The following PRDM8 variants were observed in gnomAD, a reference collection of about 807,000 sequenced individuals.
PRDM8 encodes the protein PR domain zinc finger protein 8.
A neutral mutation model predicts 46.5 loss-of-function variants in PRDM8; 13 were observed. That is an observed-to-expected ratio of 0.28 (90% CI 0.18 to 0.44). The LOEUF is 0.44. PRDM8 is among the 20% of genes least tolerant of loss of function. The pLI is 1.00. For missense variants in PRDM8, 998 were observed against 955.0 expected (o/e 1.04, Z -0.59); for synonymous variants, 473 against 438.4 (o/e 1.08, Z -0.98).
At chr4:80,193,759 A>T (rs1578248723), upstream of PRDM8, among the ~76,000 whole-genome samples, 1 of 152,122 alleles carries the variant, frequency 6.6e-6, no homozygotes, top group Admixed American at 6.5e-5. Context: ...TGTCTGCTCC[A>T]TTGGCATCCT....
upstream of PRDM8, among the ~76,000 whole-genome samples, chr4:80,194,954 A>G (rs1318333602): frequency 6.6e-6 from 1 of 152,210 alleles, no homozygotes; most frequent in African/African-American, 2.4e-5. Flanking sequence ...AGTACCTCAA[A>G]AGAAATATAG....
chr4:80,194,231 T>C (rs1737777211), upstream of PRDM8: 2 of 978,196 alleles, frequency 2.0e-6, no homozygotes, highest in African/African-American at 3.5e-5. Flanking sequence ...CTTGCTAAAG[T>C]GGAACAAGGT....
chr4:80,187,731 CTG>C (rs1737229871), intron 1 of PRDM8, among the ~76,000 whole-genome samples: 1 of 152,174 alleles, frequency 6.6e-6, no homozygotes, highest in African/African-American at 2.4e-5. Context: ...ATGCAACCTC[CTG>C]CTCCTCCTGT....
chr4:80,196,520 G>C, upstream of PRDM8: 5 of 985,438 alleles, frequency 5.1e-6, no homozygotes, highest in South Asian at 4.7e-5. Context: ...GCGCACAAAC[G>C]AGGCTCCCGA....
In PRDM8 at chr4:80,200,248, T is replaced by C. The variant is rs765586583; in HGVS notation, c.168T>C (p.Ala56=). The C allele has an allele frequency of 1.2e-6, 2 of 1,614,160 alleles. No homozygotes were observed. Among genetic ancestry groups the C allele is most frequent in the Middle Eastern group, 1.6e-4 (1 of 6,062 alleles). Reference sequence around the variant, plus strand: ...ATACTTCCCTATATGACAGCATAGCTTTCATAGCTCTCAAGTCTACTGACA... The same window carrying C: ...ATACTTCCCTATATGACAGCATAGCCTTCATAGCTCTCAAGTCTACTGACA... ...LSHTSLYDSI[A]FIALKSTDKR... The change falls in exon 2 of 4, where the codon GCT becomes GCC. Residue 56 remains alanine, a synonymous_variant. Coordinates refer to ENST00000415738, the MANE Select transcript of PRDM8 (RefSeq NM_001099403.2).
rs778202752 is a variant in PRDM8, at chr4:80,202,118, C to A, written c.656C>A (p.Ala219Glu). Residue 219 changes from alanine to glutamate, a missense_variant, in exon 4 of 4, where the codon GCA becomes GAA. By Grantham distance (107) the Ala-to-Glu change is moderately radical (BLOSUM62 -1). Transcript: ENST00000415738. ...GKDQQQQQQE[A>E]PLGPGPKFCK... ...GACCAGCAGCAGCAGCAGCAGGAGGCACCTTTAGGCCCGGGTCCCAAGTTT... is the reference window on the plus strand; with the variant it reads ...GACCAGCAGCAGCAGCAGCAGGAGGAACCTTTAGGCCCGGGTCCCAAGTTT... 5.6e-6 allele frequency: 9 copies of A among 1,607,302 alleles called. No individual in the cohort carries two copies. In the East Asian group the frequency reaches 2.0e-4, roughly 36 times the overall value.
In PRDM8 at chr4:80,202,529, G is replaced by C; in HGVS notation, c.1067G>C (p.Arg356Pro). 2.0e-6 allele frequency: 3 copies of C among 1,517,430 alleles called. No homozygotes were observed. The highest frequency in any genetic ancestry group is 2.6e-6 in the Non-Finnish European group (3 of 1,135,826). The allele number at this position is 1,517,430 out of a possible 1,614,324, so 94.0% of individuals were successfully genotyped here. The change falls in exon 4 of 4, where the codon CGA (arginine) becomes CCA (proline). Residue 356 changes from arginine (R) to proline (P), a missense_variant. By Grantham distance (103) the Arg-to-Pro change is moderately radical. Transcript: ENST00000415738. ...EDLVCTPQQYRASGSYFGLEE... is the reference protein window; with the variant it reads ...EDLVCTPQQYPASGSYFGLEE... ...CTGGTGTGCACACCGCAGCAGTACC[G>C]AGCCTCGGGCAGCTACTTCGGCCTG...
intron 1 of PRDM8, among the ~76,000 whole-genome samples, chr4:80,187,267 TATC>T (rs1737189001): frequency 7.0e-6 from 1 of 142,640 alleles, no homozygotes; most frequent in African/African-American, 2.6e-5. Context: ...AGCAGAAGAA[TATC>T]ATCTTGAATG....
chr4:80,203,740 C>CT lies in PRDM8; in HGVS notation c.*208_*209insT. On this transcript the variant is annotated 3_prime_UTR_variant, in exon 4 of 4. Transcript: ENST00000415738. ...TCAAATATTTACCCGGGACACACAC[C>CT]CCCCCCCACACACACACACAGACAC... The CT allele has an allele frequency of 4.5e-6, 2 of 446,156 alleles. No homozygotes were observed. The highest frequency in any genetic ancestry group is 7.8e-6 in the Non-Finnish European group (2 of 257,898). 27.6% of individuals were successfully genotyped at this position (446,156 alleles called of 1,614,324 possible).
chr4:80,195,802 T>C (rs1737898498), upstream of PRDM8, among the ~76,000 whole-genome samples: 1 of 152,078 alleles, frequency 6.6e-6, no homozygotes, highest in Non-Finnish European at 1.5e-5. Flanking sequence ...TTTCTCTGAA[T>C]ATATGGGGAT....
In PRDM8 at chr4:80,202,536, G is replaced by C. The variant is rs777422854; in HGVS notation, c.1074G>C (p.Ser358=). The C allele has an allele frequency of 3.3e-6, 5 of 1,534,640 alleles. No homozygotes were observed. The South Asian group carries it at 4.8e-5, about 15-fold the overall frequency. Residue 358 remains serine, a synonymous_variant, in exon 4 of 4, where the codon TCG becomes TCC. Transcript: ENST00000415738. ...GCACACCGCAGCAGTACCGAGCCTC[G>C]GGCAGCTACTTCGGCCTGGAAGAGA... The part of the protein sequence containing the change: ...LVCTPQQYRA[S]GSYFGLEENG...
upstream of PRDM8, chr4:80,196,876 T>G (rs2109871267): frequency 2.4e-5 from 23 of 972,624 alleles, no homozygotes; most frequent in East Asian, 1.1e-4. Context: ...CGAGGTCTGG[T>G]GACATTCTCA....
At position 80,202,941 on chromosome 4, in the gene PRDM8, G is replaced by A; in HGVS notation, c.1479G>A (p.Ala493=). The change falls in exon 4 of 4, where the codon GCG becomes GCA. Residue 493 remains alanine (A), a synonymous_variant. Coordinates refer to ENST00000415738, the MANE Select transcript of PRDM8 (RefSeq NM_001099403.2). ...AGGAGGGQGA[A]SDERKSAFSQ... ...GCGCGGGCGGGGGCCAGGGCGCCGC[G>A]TCGGACGAGCGCAAAAGCGCCTTCT... 1.2e-5 allele frequency: 17 copies of A among 1,463,060 alleles called. No individual in the cohort carries two copies. The highest frequency in any genetic ancestry group is 1.3e-5 in the South Asian group (1 of 75,814). 90.6% of individuals were successfully genotyped at this position (1,463,060 alleles called of 1,614,324 possible).
chr4:80,193,912 G>GA (rs1737742397), upstream of PRDM8, among the ~76,000 whole-genome samples: 3 of 152,176 alleles, frequency 2.0e-5, no homozygotes, highest in Admixed American at 6.5e-5. Context: ...TATAGAAAAA[G>GA]AAAATCAGTG....
intron 1 of PRDM8, among the ~76,000 whole-genome samples, chr4:80,199,709 A>ATATGTGTGTG (rs370819149): frequency 6.0e-5 from 8 of 132,976 alleles, no homozygotes; most frequent in African/African-American, 2.3e-4. Flanking sequence ...ATATATATAT[A>ATATGTGTGTG]TGTGTGTGTG....
At chr4:80,190,796 C>A (rs1053269278) in intron 1 of PRDM8, among the ~76,000 whole-genome samples, 9 of 152,264 alleles carry the variant, frequency 5.9e-5, no homozygotes, top group African/African-American at 2.2e-4. Flanking sequence ...TGAGGAGGAG[C>A]AGCTAATTCA....
Position 80,203,759 on chromosome 4 carries a change from C to G in PRDM8, c.*227C>G. The G allele has an allele frequency of 2.0e-6, 1 of 491,806 alleles. No homozygotes were observed. Among genetic ancestry groups the G allele is most frequent in the Non-Finnish European group, 3.5e-6 (1 of 286,662 alleles). The allele number at this position is 491,806 out of a possible 1,614,324, so 30.5% of individuals were successfully genotyped here. ...ACACACCCCCCCCCACACACACACA[C>G]AGACACACTCACACACAAGAGCCAG... On this transcript the variant is annotated 3_prime_UTR_variant, in exon 4 of 4. Coordinates refer to ENST00000415738, the MANE Select transcript of PRDM8 (RefSeq NM_001099403.2).
chr4:80,186,868 C>A (rs1298382552), intron 1 of PRDM8, among the ~76,000 whole-genome samples: 1 of 152,154 alleles, frequency 6.6e-6, no homozygotes, highest in Admixed American at 6.5e-5. Context: ...CCTCATTTGT[C>A]CAGCAGCCTA....
chr4:80,188,755 A>G (rs1578240758), intron 1 of PRDM8, among the ~76,000 whole-genome samples: 1 of 152,226 alleles, frequency 6.6e-6, no homozygotes, highest in Non-Finnish European at 1.5e-5. Flanking sequence ...GGGAAAACGT[A>G]AAGCTCCCGT....
Sources: allele counts gnomAD v4.1 joint callset (sites outside exome capture counted in the v4.1 genomes callset), GRCh38; gene constraint gnomAD v4.1.1; transcripts MANE v1.5; gene names NCBI Gene and HGNC (gene_info 2026-07-23, HGNC 2026-07-21).